The following HNRNPAB variants were observed in gnomAD, a reference collection of about 807,000 sequenced individuals.
The protein encoded by HNRNPAB is heterogeneous nuclear ribonucleoprotein A/B.
Under a neutral mutation model 44.1 loss-of-function variants are expected in HNRNPAB, and 17 were observed. That is an observed-to-expected ratio of 0.39 (90% CI 0.26 to 0.58). The LOEUF is 0.58. Ranked by LOEUF, HNRNPAB falls within the 20% of genes least tolerant of loss-of-function variation. The probability of loss-of-function intolerance (pLI) is 0.63; values close to 1 mark genes in which losing one functional copy is unlikely to be tolerated. For synonymous variants in HNRNPAB, 183 were observed against 167.6 expected, an observed-to-expected ratio of 1.09 and a Z score of -0.71; for missense variants, 393 against 432.7, an observed-to-expected ratio of 0.91 and a Z score of 0.81.
chr5:178,208,927 A>AAAAG (rs1272402751), intron 5 of HNRNPAB: 1 of 161,580 alleles, frequency 6.2e-6, no homozygotes. Context: ...TGTAAAGAGA[A>AAAAG]AAAGATGTTA....
chr5:178,206,818 A>G lies in HNRNPAB; in HGVS notation c.465A>G (p.Lys155=). 1 of 1,614,158 alleles carries G rather than the reference A, an allele frequency of 6.2e-7. No individual in the cohort carries two copies. Among genetic ancestry groups the G allele is most frequent in the Non-Finnish European group, 8.5e-7 (1 of 1,180,022 alleles). Reference sequence around the variant, plus strand: ...CTATGAAGAAGGACCCGGTGAAGAAAATCTTCGTTGGGGGTCTGAATCCTG... The same window carrying G: ...CTATGAAGAAGGACCCGGTGAAGAAGATCTTCGTTGGGGGTCTGAATCCTG... ...AMAMKKDPVK[K]IFVGGLNPEA... is the part of the protein sequence containing the mutation. The change falls in exon 4 of 8, where the codon AAA becomes AAG. Residue 155 remains lysine (K), a synonymous_variant. Coordinates refer to ENST00000358344, the MANE Select transcript of HNRNPAB (RefSeq NM_031266.3).
Position 178,210,082 on chromosome 5 carries a change from C to G in HNRNPAB, c.788-50C>G, listed in dbSNP as rs779878044. 2.5e-6 allele frequency: 4 copies of G among 1,603,148 alleles called. No individual in the cohort carries two copies. The South Asian group carries it at 4.5e-5, about 18-fold the overall frequency. ...GGCAGGATTTCCTCCATCCTAGCTCCTGCGTATGCTAAATGGTCCACGGGC... is the reference window on the plus strand; with the variant it reads ...GGCAGGATTTCCTCCATCCTAGCTCGTGCGTATGCTAAATGGTCCACGGGC... On this transcript the variant is annotated intron_variant, in intron 6 of 7. Coordinates refer to ENST00000358344, the MANE Select transcript of HNRNPAB (RefSeq NM_031266.3).
chr5:178,210,948 G>T lies in HNRNPAB; in HGVS notation c.*325G>T. 3.0e-6 allele frequency: 1 copy of T among 330,270 alleles called. No homozygotes were observed. The highest frequency in any genetic ancestry group is 2.1e-5 in the African/African-American group (1 of 46,876). 20.5% of individuals were successfully genotyped at this position (330,270 alleles called of 1,614,324 possible). On this transcript the variant is annotated 3_prime_UTR_variant, in exon 8 of 8. Transcript: ENST00000358344. ...GGACCCTGGTTGTAAAGAGTAAATT[G>T]TATCTTAGGAAACCAGTGTCACCTT...
In HNRNPAB at chr5:178,205,932, A is replaced by G. The variant is rs1470063621; in HGVS notation, c.300A>G (p.Thr100=). 9.9e-6 allele frequency: 16 copies of G among 1,614,176 alleles called. No homozygotes were observed. The highest frequency in any genetic ancestry group is 1.7e-5 in the Admixed American group (1 of 60,020). Residue 100 remains threonine, a synonymous_variant, in exon 3 of 8, where the codon ACA becomes ACG. Coordinates refer to ENST00000358344, the MANE Select transcript of HNRNPAB (RefSeq NM_031266.3). ...FTKFGEVVDC[T]IKMDPNTGRS... is the part of the protein sequence containing the mutation. ...AATTTGGAGAGGTCGTTGACTGTAC[A>G]ATAAAAATGGATCCCAACACTGGAC...
rs1050539419 is a variant in HNRNPAB, at chr5:178,204,973, G to A, written c.136G>A (p.Ala46Thr). 3.6e-5 allele frequency: 43 copies of A among 1,209,400 alleles called. No homozygotes were observed. The African/African-American group carries it at 6.5e-4, about 18-fold the overall frequency. The allele number at this position is 1,209,400 out of a possible 1,614,324, so 74.9% of individuals were successfully genotyped here. ...GGCGGGGGCTGGAGGCGCGACCGCG[G>A]CGCCCCCGAGCGGGAATCAGAACGG... ...AAAGAGGATAAPPSGNQNGAE... is the reference protein window; with the variant it reads ...AAAGAGGATATPPSGNQNGAE... The change falls in exon 2 of 8, where the codon GCG becomes ACG. Residue 46 changes from alanine (A) to threonine (T), a missense_variant. By Grantham distance (58) the Ala-to-Thr change is moderately conservative (BLOSUM62 0). Transcript: ENST00000358344.
intron 6 of HNRNPAB, 127 bp from the exon 7 acceptor site, chr5:178,210,005 G>A (rs1757696789): frequency 1.5e-6 from 2 of 1,335,242 alleles, no homozygotes; most frequent in African/African-American, 2.9e-5. Flanking sequence ...CACCAGAACA[G>A]CAGCCCCTTG....
intron 7 of HNRNPAB, 88 bp downstream of exon 7, chr5:178,210,360 T>G (rs1368250382): frequency 6.3e-7 from 1 of 1,598,218 alleles, no homozygotes; most frequent in Non-Finnish European, 8.5e-7. Flanking sequence ...AGCAGGGGCT[T>G]TGGAGTCAGA....
chr5:178,207,747 G>GGCTGGGGT (rs1757146966), intron 5 of HNRNPAB, among the ~76,000 whole-genome samples: 1 of 134,840 alleles, frequency 7.4e-6, no homozygotes, highest in Non-Finnish European at 1.5e-5. Context: ...TTGTTGTCCA[G>GGCTGGGGT]GCTGGGGTGC....
rs997540669 is a variant in HNRNPAB, at chr5:178,204,598, AAGG to A, written c.-157_-155del. ...GGTGGGTTCCCGTGCGGCGGCGGCC[AAGG>A]AGGAGGAGACACAGTTGGAGCAGCT... On this transcript the variant is annotated 5_prime_UTR_variant, in exon 1 of 8. Transcript: ENST00000358344. The A allele has an allele frequency of 3.2e-5, 8 of 249,740 alleles. No homozygotes were observed. The highest frequency in any genetic ancestry group is 6.8e-5 in the African/African-American group (3 of 43,800). 15.5% of individuals were successfully genotyped at this position (249,740 alleles called of 1,614,324 possible).
At chr5:178,207,354 G>A (rs938784496) in intron 5 of HNRNPAB, 129 bp downstream of exon 5, 12 of 1,091,068 alleles carry the variant, frequency 1.1e-5, no homozygotes, top group Admixed American at 4.8e-5. Context: ...TCTCTGAAGC[G>A]TATGCTGCCC....
chr5:178,210,358 C>T, intron 7 of HNRNPAB, 86 bp downstream of exon 7: 1 of 1,599,242 alleles, frequency 6.3e-7, no homozygotes, highest in South Asian at 1.1e-5. Flanking sequence ...GCAGCAGGGG[C>T]TTTGGAGTCA....
In HNRNPAB at chr5:178,210,041, C is replaced by T. The variant is rs1186501181; in HGVS notation, c.788-91C>T. 15 of 1,549,706 alleles carry T rather than the reference C, an allele frequency of 9.7e-6. No homozygotes were observed. The East Asian group carries it at 1.8e-4, about 19-fold the overall frequency. ...GCTTCTGCCTGAGTTGCCACAGTAA[C>T]CCTGCCACCCCAAAGGGCAGGATTT... On this transcript the variant is annotated intron_variant, in intron 6 of 7. Transcript: ENST00000358344.
At chr5:178,205,549 G>T in intron 2 of HNRNPAB, 1 of 256,896 alleles carries the variant, frequency 3.9e-6, no homozygotes, top group Non-Finnish European at 7.5e-6. Context: ...TTTGCTACAT[G>T]GTTGTAGAAC....
At chr5:178,206,082 G>C in intron 3 of HNRNPAB, 72 bp downstream of exon 3, 2 of 1,421,860 alleles carry the variant, frequency 1.4e-6, no homozygotes, top group South Asian at 1.2e-5. Context: ...CTTTCTTAAA[G>C]CATGACTAGT....
chr5:178,206,303 A>G (rs1047687977), intron 3 of HNRNPAB, among the ~76,000 whole-genome samples: 2 of 152,240 alleles, frequency 1.3e-5, no homozygotes, highest in African/African-American at 2.4e-5. Flanking sequence ...AAGAGAGTCC[A>G]TGATTGGTAT....
At position 178,205,017 on chromosome 5, in the gene HNRNPAB, C is replaced by A; in HGVS notation, c.180C>A (p.Ile60=). 5 of 1,208,684 alleles carry A rather than the reference C, an allele frequency of 4.1e-6. No homozygotes were observed. Among genetic ancestry groups the A allele is most frequent in the Non-Finnish European group, 5.1e-6 (5 of 972,980 alleles). 74.9% of individuals were successfully genotyped at this position (1,208,684 alleles called of 1,614,324 possible). A position where few individuals can be genotyped will look rare whatever the true frequency, so the allele number is the denominator to read the frequency against. Residue 60 remains isoleucine, a synonymous_variant, in exon 2 of 8, where the codon ATC becomes ATA. Coordinates refer to ENST00000358344, the MANE Select transcript of HNRNPAB (RefSeq NM_031266.3). ...AGAACGGCGCCGAGGGCGACCAGAT[C>A]AACGCCAGCAAGAACGAGGAGGACG... The part of the protein sequence containing the change: ...GNQNGAEGDQ[I]NASKNEEDAG...
In HNRNPAB at chr5:178,207,177, C is replaced by T. The variant is rs777397806; in HGVS notation, c.621C>T (p.Pro207=). 12 of 1,613,938 alleles carry T rather than the reference C, an allele frequency of 7.4e-6. No homozygotes were observed. Among genetic ancestry groups the T allele is most frequent in the East Asian group, 4.5e-5 (2 of 44,882 alleles). ...TTATCACCTTTAAAGAAGAAGAACC[C>T]GTGAAGAAGGTTCTGGAGAAAAAGT... ...FVFITFKEEE[P]VKKVLEKKFH... The change falls in exon 5 of 8, where the codon CCC becomes CCT. Residue 207 remains proline (P), a synonymous_variant. Coordinates refer to ENST00000358344, the MANE Select transcript of HNRNPAB (RefSeq NM_031266.3).
At position 178,207,390 on chromosome 5, in the gene HNRNPAB, G is replaced by GA. The variant is rs1372317502; in HGVS notation, c.669+168dup. Among the ~76,000 whole-genome samples, 4 of 152,290 alleles carry GA rather than the reference G, an allele frequency of 2.6e-5. No homozygotes were observed. The East Asian group carries it at 7.7e-4, about 29-fold the overall frequency. On this transcript the variant is annotated intron_variant, in intron 5 of 7. Transcript: ENST00000358344. ...TGATTGGGGCAGTGTTCCAATCCTTGAAAGACTTCTCAGGCTGGGAGGACT... is the reference window on the plus strand; with the variant it reads ...TGATTGGGGCAGTGTTCCAATCCTTGAAAAGACTTCTCAGGCTGGGAGGACT...
At chr5:178,206,168 A>G (rs1308114682) in intron 3 of HNRNPAB, among the ~76,000 whole-genome samples, 158 bp downstream of exon 3, 1 of 152,152 alleles carries the variant, frequency 6.6e-6, no homozygotes, top group Non-Finnish European at 1.5e-5. Context: ...TTTTGAGGGG[A>G]TGAAAATACA....
Sources: gnomAD v4.1 joint callset for allele counts (sites outside exome capture counted in the v4.1 genomes callset) on GRCh38, gnomAD v4.1.1 for gene constraint, MANE v1.5 for transcripts, NCBI Gene and HGNC (gene_info 2026-07-23, HGNC 2026-07-21) for gene names.